Variants in PBX1 observed in about 807,000 individuals in gnomAD.
PBX1 encodes pre-B-cell leukemia transcription factor 1.
Under a neutral mutation model 53.4 loss-of-function variants are expected in PBX1, and 6 were observed. That is an observed-to-expected ratio of 0.11 (90% confidence interval 0.06 to 0.22). The LOEUF (loss-of-function observed/expected upper bound fraction) is 0.22. PBX1 is among the 10% of genes least tolerant of loss of function. The probability of loss-of-function intolerance (pLI) is 1.00; values close to 1 mark genes in which losing one functional copy is unlikely to be tolerated. For missense variants in PBX1, 251 were observed against 551.4 expected (o/e 0.46, Z 5.46); for synonymous variants, 204 against 212.3 (o/e 0.96, Z 0.34).
chr1:164,766,440 G>A (rs542829331), intron 2 of PBX1, among the ~76,000 whole-genome samples: 7 of 152,052 alleles, frequency 4.6e-5, no homozygotes, highest in African/African-American at 1.7e-4. Flanking sequence ...CTTTACCTAT[G>A]AGGAACACCA....
chr1:164,685,894 A>G (rs770437297), intron 2 of PBX1, among the ~76,000 whole-genome samples: 8 of 152,144 alleles, frequency 5.3e-5, no homozygotes, highest in Non-Finnish European at 1.0e-4. Context: ...ACCTCAGACC[A>G]TGGTTTTCTT....
chr1:164,800,314 G>A (rs558341566), intron 4 of PBX1, among the ~76,000 whole-genome samples: 2 of 152,298 alleles, frequency 1.3e-5, no homozygotes, highest in South Asian at 4.1e-4. Flanking sequence ...GACAGAGAGT[G>A]CACTCAATTC....
intron 2 of PBX1, among the ~76,000 whole-genome samples, chr1:164,598,698 C>A (rs144478995): frequency 6.6e-6 from 1 of 152,336 alleles, no homozygotes; most frequent in East Asian, 1.9e-4. Context: ...TCCAATGACA[C>A]TCTGCCTTTT....
intron 2 of PBX1, among the ~76,000 whole-genome samples, chr1:164,707,436 A>T (rs866366176): frequency 0.019 from 2,856 of 150,988 alleles, 64 homozygotes; most frequent in South Asian, 0.079. Context: ...AGAGAGAGAG[A>T]GAGAGAGAGA....
chr1:164,569,448 TAGAG>T (rs1037126318), intron 2 of PBX1, among the ~76,000 whole-genome samples: 12 of 152,070 alleles, frequency 7.9e-5, no homozygotes, highest in African/African-American at 2.7e-4. Flanking sequence ...TTATATGAAA[TAGAG>T]AGGCTTATAC....
Position 164,779,675 on chromosome 1 carries a change from G to A in PBX1, c.266-12819G>A, listed in dbSNP as rs1027344996. On this transcript the variant is annotated intron_variant, in intron 2 of 8. Transcript: ENST00000420696. The stretch of plus-strand genomic sequence containing the variant: ...GGAGCCTCCTGTCTGTTCTGCAAAG[G>A]ATTTGCAGGGTGCTTAGCATGCTGG... Among the ~76,000 whole-genome samples the A allele has an allele frequency of 8.5e-5, 13 of 152,328 alleles. 1 individual carries two copies. In the South Asian group the frequency reaches 1.9e-3, roughly 22 times the overall value.
chr1:164,717,302 G>T (rs1664159851), intron 2 of PBX1, among the ~76,000 whole-genome samples: 1 of 152,128 alleles, frequency 6.6e-6, no homozygotes, highest in Non-Finnish European at 1.5e-5. Flanking sequence ...GACACTGGAG[G>T]TATTTCTTTG....
chr1:164,884,627 A>C lies in PBX1; in HGVS notation n.258-14561A>C, dbSNP rs767009301. 5 of 473,444 alleles carry C rather than the reference A, an allele frequency of 1.1e-5. No homozygotes were observed. In the East Asian group the frequency reaches 2.3e-4, roughly 22 times the overall value. The allele number at this position is 473,444 out of a possible 1,614,324, so 29.3% of individuals were successfully genotyped here. A position where few individuals can be genotyped will look rare whatever the true frequency, so the allele number is the denominator to read the frequency against. ...CTTGACTGAAGAAATGTCTTCCCCT[A>C]TCTGAAAAGTGGCCTCTCTTCCGGA... On this transcript the variant is annotated intron_variant and non_coding_transcript_variant, in intron 2 of 2. Coordinates refer to the PBX1 transcript ENST00000558796.
chr1:164,702,792 G>A (rs113348733), intron 2 of PBX1, among the ~76,000 whole-genome samples: 216 of 152,228 alleles, frequency 1.4e-3, no homozygotes, highest in African/African-American at 5.0e-3. Flanking sequence ...TCTATAGGAT[G>A]AGGAGGAAAA....
intron 2 of PBX1, among the ~76,000 whole-genome samples, chr1:164,788,467 T>TG: frequency 6.6e-6 from 1 of 152,032 alleles, no homozygotes; most frequent in South Asian, 2.1e-4. Flanking sequence ...GTGGTATATT[T>TG]GGATTCTCCT....
At chr1:164,856,476 A>ATT (rs559046234), downstream of PBX1, among the ~76,000 whole-genome samples, 103 of 151,860 alleles carry the variant, frequency 6.8e-4, 2 homozygotes, top group South Asian at 0.021. Context: ...TATATTTTTA[A>ATT]TTTTTTTTCA....
intron 4 of PBX1, among the ~76,000 whole-genome samples, chr1:164,800,390 A>G (rs1304482518): frequency 6.6e-6 from 1 of 152,228 alleles, no homozygotes; most frequent in Non-Finnish European, 1.5e-5. Context: ...TGAATAAGAC[A>G]TGGCACTTTG....
At chr1:164,661,995 A>G (rs986396037) in intron 2 of PBX1, among the ~76,000 whole-genome samples, 4 of 152,132 alleles carry the variant, frequency 2.6e-5, no homozygotes, top group East Asian at 1.9e-4. Context: ...TAACAAATCA[A>G]TTCTTCCCAG....
intron 2 of PBX1, among the ~76,000 whole-genome samples, chr1:164,704,838 T>A (rs1449804699): frequency 6.6e-6 from 1 of 152,238 alleles, no homozygotes; most frequent in African/African-American, 2.4e-5. Flanking sequence ...GTGGGTATAA[T>A]GCAAGTACAA....
At chr1:164,689,293 GT>G (rs536625726) in intron 2 of PBX1, among the ~76,000 whole-genome samples, 2 of 150,510 alleles carry the variant, frequency 1.3e-5, no homozygotes, top group Non-Finnish European at 3.0e-5. Context: ...GAAGTGGAAG[GT>G]TTTTTTTTCT....
intron 2 of PBX1, among the ~76,000 whole-genome samples, chr1:164,760,440 C>T (rs537657324): frequency 2.3e-4 from 34 of 148,640 alleles, no homozygotes; most frequent in Admixed American, 1.0e-3. Context: ...CCCTCCCTTC[C>T]CTTCCTTCCT....
chr1:164,579,841 G>C, intron 2 of PBX1, among the ~76,000 whole-genome samples: 1 of 152,134 alleles, frequency 6.6e-6, no homozygotes, highest in East Asian at 1.9e-4. Flanking sequence ...TGTAATAGGA[G>C]TTAATGCATA....
chr1:164,833,346 C>T (rs528966765), intron 8 of PBX1, among the ~76,000 whole-genome samples: 110 of 152,228 alleles, frequency 7.2e-4, no homozygotes, highest in African/African-American at 1.5e-3. Context: ...CACAGGTTCC[C>T]GAAGTGGCTA....
intron 8 of PBX1, among the ~76,000 whole-genome samples, chr1:164,834,292 CTCTCTGT>C (rs1182323718): frequency 6.6e-6 from 1 of 151,404 alleles, no homozygotes; most frequent in Admixed American, 6.6e-5. Context: ...TCTTGAGCAG[CTCTCTGT>C]CTTGATCTTG....
Sources: gnomAD v4.1 joint callset for allele counts (sites outside exome capture counted in the v4.1 genomes callset) on GRCh38, gnomAD v4.1.1 for gene constraint, MANE v1.5 for transcripts, NCBI Gene and HGNC (gene_info 2026-07-23, HGNC 2026-07-21) for gene names.